ZNF518A: variants seen among roughly 807,000 people sequenced by gnomAD.
The protein encoded by ZNF518A is zinc finger protein 518.
In ZNF518A, 47 loss-of-function variants were observed where a neutral mutation model predicts 102.7. The observed-to-expected ratio is 0.46, with a 90% CI of 0.36 to 0.58. ZNF518A has a LOEUF of 0.58. Ranked by LOEUF, ZNF518A falls within the 20% of genes least tolerant of loss-of-function variation. The pLI is 0.00. For missense variants in ZNF518A, 1,793 were observed against 1,699.8 expected (o/e 1.05, Z -0.96); for synonymous variants, 652 against 594.6 (o/e 1.10, Z -1.40).
At position 96,154,741 on chromosome 10, in the gene ZNF518A, G is replaced by A. The variant is rs587623227; in HGVS notation, c.-301-585G>A. ...ACCCTTCATGAGGCCTTCATCTTGT[G>A]TTACCTTTTCTTTGTAATACTAAAG... On this transcript the variant is annotated intron_variant, in intron 3 of 5. Transcript: ENST00000316045. 3.3e-4 allele frequency among the ~76,000 whole-genome samples: 50 copies of A among 152,126 alleles called. 1 individual carries two copies. Among genetic ancestry groups the A allele is most frequent in the South Asian group, 6.2e-4 (3 of 4,824 alleles).
In ZNF518A at chr10:96,160,554, A is replaced by T. The variant is rs1554887404; in HGVS notation, c.4232A>T (p.Lys1411Ile). ...TTTTCCAAGAGGCACAAAACATTTAAACCTGTTAGTTCTGTGAAAGAAAGA... is the reference window on the plus strand; with the variant it reads ...TTTTCCAAGAGGCACAAAACATTTATACCTGTTAGTTCTGTGAAAGAAAGA... ...DDFSKRHKTF[K>I]PVSSVKERFV... is the part of the protein sequence containing the mutation. Residue 1411 changes from lysine (K) to isoleucine (I), a missense_variant, in exon 6 of 6, where the codon AAA becomes ATA. Transcript: ENST00000316045. The T allele has an allele frequency of 6.2e-6, 10 of 1,612,166 alleles. No homozygotes were observed.
At chr10:96,140,400 T>C (rs1554876089) in intron 3 of ZNF518A, among the ~76,000 whole-genome samples, 1 of 152,192 alleles carries the variant, frequency 6.6e-6, no homozygotes, top group East Asian at 1.9e-4. Context: ...TAAGAATGGA[T>C]CACATGATAA....
At chr10:96,194,300 T>C (rs971649804) in intron 1 of ZNF518A, among the ~76,000 whole-genome samples, 2 of 152,208 alleles carry the variant, frequency 1.3e-5, no homozygotes, top group Admixed American at 1.3e-4. Flanking sequence ...AAACCAAAGA[T>C]TGGTCTTGAT....
At chr10:96,203,908 C>T in intron 2 of ZNF518A, 1 of 568,330 alleles carries the variant, frequency 1.8e-6, no homozygotes, top group Non-Finnish European at 3.2e-6. Context: ...CATTCTTGGC[C>T]CCATTTTACA....
At chr10:96,198,439 A>T (rs1292577134) in intron 1 of ZNF518A, among the ~76,000 whole-genome samples, 5 of 152,218 alleles carry the variant, frequency 3.3e-5, no homozygotes, top group African/African-American at 1.2e-4. Context: ...GAGAAAATTG[A>T]TTTGGAATTA....
intron 1 of ZNF518A, among the ~76,000 whole-genome samples, chr10:96,195,233 G>T (rs587720339): frequency 6.6e-6 from 1 of 152,146 alleles, no homozygotes; most frequent in Admixed American, 6.5e-5. Context: ...TGGTGCAACT[G>T]CTATGGAAAA....
chr10:96,190,436 G>C (rs1206613818), intron 1 of ZNF518A, among the ~76,000 whole-genome samples: 1 of 152,142 alleles, frequency 6.6e-6, no homozygotes, highest in Non-Finnish European at 1.5e-5. Flanking sequence ...ATCTTACCTT[G>C]ACTATATCTG....
chr10:96,163,316 A>AT lies in ZNF518A; in HGVS notation c.*2548dup, dbSNP rs3833496. 52,898 of 166,526 alleles carry AT rather than the reference A, an allele frequency of 0.32. 9,643 individuals carry two copies. Among genetic ancestry groups the AT allele is most frequent in the East Asian group, 0.66 (3,428 of 5,164 alleles). 10.3% of individuals were successfully genotyped at this position (166,526 alleles called of 1,614,324 possible). ...TCCAAAACAAAAGCCTGTATCCTTT[A>AT]TTTTTTGTGTGTGGCTTTCCAAAGA... On this transcript the variant is annotated 3_prime_UTR_variant, in exon 6 of 6. Transcript: ENST00000316045.
chr10:96,172,524 A>G (rs188315450), intron 1 of ZNF518A, among the ~76,000 whole-genome samples: 51 of 152,216 alleles, frequency 3.4e-4, no homozygotes, highest in African/African-American at 1.1e-3. Context: ...GGTTTGTAAC[A>G]TGTAAACCTA....
At chr10:96,154,290 G>C (rs1311552549) in intron 3 of ZNF518A, among the ~76,000 whole-genome samples, 4 of 152,104 alleles carry the variant, frequency 2.6e-5, no homozygotes, top group Non-Finnish European at 5.9e-5. Context: ...AGCCGTGATG[G>C]TGCCACTGCA....
chr10:96,153,994 A>G (rs1591206235), intron 3 of ZNF518A, among the ~76,000 whole-genome samples: 1 of 152,348 alleles, frequency 6.6e-6, no homozygotes, highest in East Asian at 1.9e-4. Context: ...AGAGTATCTT[A>G]CGAGATTAGA....
At chr10:96,175,073 C>T (rs770897863) in intron 1 of ZNF518A, among the ~76,000 whole-genome samples, 48 of 152,126 alleles carry the variant, frequency 3.2e-4, no homozygotes, top group Non-Finnish European at 6.6e-4. Context: ...CTCAAACTTC[C>T]CAGCTTCCAT....
At chr10:96,194,591 A>G (rs998881681) in intron 1 of ZNF518A, among the ~76,000 whole-genome samples, 1 of 152,156 alleles carries the variant, frequency 6.6e-6, no homozygotes, top group African/African-American at 2.4e-5. Context: ...TTTGCAAATC[A>G]TTTATCTGAT....
chr10:96,136,750 A>C (rs1554874608), intron 3 of ZNF518A, among the ~76,000 whole-genome samples: 1 of 152,144 alleles, frequency 6.6e-6, no homozygotes, highest in Non-Finnish European at 1.5e-5. Flanking sequence ...ACTAGGAATG[A>C]TGTAGAATTT....
In ZNF518A at chr10:96,181,425, C is replaced by T. The variant is rs587658476; in HGVS notation, n.36-22149C>T. Among the ~76,000 whole-genome samples, 56 of 152,242 alleles carry T rather than the reference C, an allele frequency of 3.7e-4. No homozygotes were observed. In the South Asian group the frequency reaches 0.01, roughly 28 times the overall value. ...TTAGTCATGAAGTCCTTGCCCATGC[C>T]TATGTCCTGAATGGTATTGCCTAGG... On this transcript the variant is annotated intron_variant and non_coding_transcript_variant, in intron 1 of 2. Coordinates refer to the ZNF518A transcript ENST00000442635.
chr10:96,146,733 C>T (rs2082189204), intron 3 of ZNF518A, among the ~76,000 whole-genome samples: 1 of 152,188 alleles, frequency 6.6e-6, no homozygotes, highest in Admixed American at 6.5e-5. Context: ...TGTGTTCTCT[C>T]TGGTCATATC....
At chr10:96,154,205 G>A (rs1554881332) in intron 3 of ZNF518A, among the ~76,000 whole-genome samples, 1 of 152,152 alleles carries the variant, frequency 6.6e-6, no homozygotes, top group African/African-American at 2.4e-5. Flanking sequence ...GGTGGCGCAT[G>A]CCTGTAGTCC....
chr10:96,139,027 TGAG>T (rs1363085118), intron 3 of ZNF518A, among the ~76,000 whole-genome samples: 2 of 148,126 alleles, frequency 1.4e-5, no homozygotes, highest in Non-Finnish European at 3.0e-5. Flanking sequence ...ACCTAAAAGA[TGAG>T]AAGGATGTAG....
intron 1 of ZNF518A, among the ~76,000 whole-genome samples, chr10:96,186,763 C>T (rs996385427): frequency 2.6e-5 from 4 of 152,198 alleles, no homozygotes; most frequent in African/African-American, 9.6e-5. Flanking sequence ...CAAGTTCACA[C>T]AATCTGTTAT....
Sources: gnomAD v4.1 joint callset for allele counts (sites outside exome capture counted in the v4.1 genomes callset) on GRCh38, gnomAD v4.1.1 for gene constraint, MANE v1.5 for transcripts, NCBI Gene and HGNC (gene_info 2026-07-23, HGNC 2026-07-21) for gene names.